Variants in RABGAP1L observed in about 807,000 individuals in gnomAD.
The protein encoded by RABGAP1L is rab GTPase-activating protein 1-like.
In RABGAP1L, 63 loss-of-function variants were observed where a neutral mutation model predicts 137.7. That is an observed-to-expected ratio of 0.46 (90% CI 0.37 to 0.56). RABGAP1L has a LOEUF of 0.56. RABGAP1L is among the 20% of genes least tolerant of loss of function. The pLI, the probability that RABGAP1L is intolerant of heterozygous loss-of-function variation, is 0.00. For missense variants in RABGAP1L, 1,095 were observed against 1,244.0 expected, an observed-to-expected ratio of 0.88 and a Z score of 1.80; for synonymous variants, 431 against 433.7, an observed-to-expected ratio of 0.99 and a Z score of 0.08.
chr1:174,171,521 TTA>T (rs2148233282), intron 1 of RABGAP1L, among the ~76,000 whole-genome samples: 1 of 152,162 alleles, frequency 6.6e-6, no homozygotes, highest in East Asian at 1.9e-4. Flanking sequence ...TTAGCAAATT[TTA>T]TATATACTAT....
At chr1:174,399,844 G>A (rs933171628) in intron 13 of RABGAP1L, among the ~76,000 whole-genome samples, 5 of 152,158 alleles carry the variant, frequency 3.3e-5, no homozygotes, top group East Asian at 1.9e-4. Flanking sequence ...GGGGTAAACC[G>A]CCCCCATGAT....
intron 19 of RABGAP1L, among the ~76,000 whole-genome samples, chr1:174,950,511 T>C (rs1667548452): frequency 6.6e-6 from 1 of 152,190 alleles, no homozygotes; most frequent in African/African-American, 2.4e-5. Flanking sequence ...TTTTCATCTG[T>C]TTCTTCTCGA....
intron 17 of RABGAP1L, among the ~76,000 whole-genome samples, chr1:174,728,594 CTTTTTTTTTT>C (rs1294397296): frequency 1.6e-4 from 18 of 114,626 alleles, no homozygotes; most frequent in Admixed American, 3.8e-4. Context: ...CTACCAGTGT[CTTTTTTTTTT>C]TTTTTTTTTT....
At chr1:174,856,797 C>T (rs1216747507) in intron 19 of RABGAP1L, among the ~76,000 whole-genome samples, 1 of 151,626 alleles carries the variant, frequency 6.6e-6, no homozygotes, top group Non-Finnish European at 1.5e-5. Flanking sequence ...CGTGCTGGTG[C>T]GCACCTGTAA....
chr1:174,297,229 G>GT (rs1253854423), intron 10 of RABGAP1L, among the ~76,000 whole-genome samples: 1 of 152,168 alleles, frequency 6.6e-6, no homozygotes, highest in Non-Finnish European at 1.5e-5. Flanking sequence ...ATGACATAGT[G>GT]TTGCAGGTTT....
At chr1:174,491,758 CT>C (rs1660259080) in intron 13 of RABGAP1L, among the ~76,000 whole-genome samples, 1 of 152,214 alleles carries the variant, frequency 6.6e-6, no homozygotes, top group Non-Finnish European at 1.5e-5. Context: ...CAGATTTTGA[CT>C]GCTCAGATGG....
chr1:174,789,382 A>G (rs1461923220), intron 18 of RABGAP1L, among the ~76,000 whole-genome samples: 1 of 152,222 alleles, frequency 6.6e-6, no homozygotes, highest in East Asian at 1.9e-4. Flanking sequence ...GGGGATTAAA[A>G]CAACTCAACA....
intron 13 of RABGAP1L, among the ~76,000 whole-genome samples, chr1:174,587,422 A>T (rs1669207835): frequency 6.6e-6 from 1 of 150,652 alleles, no homozygotes; most frequent in East Asian, 1.9e-4. Flanking sequence ...GTGCACATGT[A>T]CCCTAAAACT....
rs964346751 is a variant in RABGAP1L, at chr1:174,527,015, A to G, written c.1711-110360A>G. 4.6e-5 allele frequency among the ~76,000 whole-genome samples: 7 copies of G among 152,122 alleles called. No homozygotes were observed. In the South Asian group the frequency reaches 1.5e-3, roughly 32 times the overall value. On this transcript the variant is annotated intron_variant, in intron 13 of 25. Transcript: ENST00000681986. ...TTTGCTATATCCCACACATCTTGGT[A>G]TGTTGTTTTTCCATTTTCATTTCTT...
At chr1:174,509,018 A>G (rs1395737522) in intron 13 of RABGAP1L, among the ~76,000 whole-genome samples, 1 of 152,188 alleles carries the variant, frequency 6.6e-6, no homozygotes, top group African/African-American at 2.4e-5. Context: ...AGTGCACTAT[A>G]TAAATAGGAA....
intron 1 of RABGAP1L, among the ~76,000 whole-genome samples, chr1:174,197,380 G>C (rs1414810622): frequency 6.7e-6 from 1 of 148,166 alleles, no homozygotes; most frequent in Non-Finnish European, 1.5e-5. Flanking sequence ...TTTGGTTCCA[G>C]ACTGATACAC....
intron 23 of RABGAP1L, among the ~76,000 whole-genome samples, chr1:174,980,475 A>G (rs1558303361): frequency 6.6e-6 from 1 of 152,236 alleles, no homozygotes; most frequent in Non-Finnish European, 1.5e-5. Flanking sequence ...AAACCTTTTG[A>G]GCTGTGCTTC....
rs61414923 is a variant in RABGAP1L, at chr1:174,516,120, TACACACACACACACACACACACAC to T, written c.1711-121232_1711-121209del. On this transcript the variant is annotated intron_variant, in intron 13 of 25. Transcript: ENST00000681986. ...AGTCAAGGGATGAAAACTGAAGCTC[TACACACACACACACACACACACAC>T]ACACACACACACACACACACACGCT... 2.1e-3 allele frequency among the ~76,000 whole-genome samples: 282 copies of T among 133,306 alleles called. 3 individuals are homozygous for T. The highest frequency in any genetic ancestry group is 8.1e-3 in the African/African-American group (275 of 33,910). 87.5% of individuals were successfully genotyped at this position (133,306 alleles called of 152,430 possible).
intron 17 of RABGAP1L, among the ~76,000 whole-genome samples, chr1:174,744,088 C>A (rs1473184545): frequency 1.1e-4 from 3 of 27,130 alleles, no homozygotes; most frequent in Non-Finnish European, 1.3e-4. Context: ...CTGTGAAATA[C>A]GTAAAAAAAA....
At chr1:174,703,164 T>C (rs1472654947) in intron 17 of RABGAP1L, among the ~76,000 whole-genome samples, 1 of 152,218 alleles carries the variant, frequency 6.6e-6, no homozygotes, top group African/African-American at 2.4e-5. Context: ...GATGTTTTGC[T>C]ACGTGGATAT....
chr1:174,166,857 G>T (rs925635730), intron 1 of RABGAP1L, among the ~76,000 whole-genome samples: 2 of 152,188 alleles, frequency 1.3e-5, no homozygotes, highest in African/African-American at 2.4e-5. Flanking sequence ...ATGGAAGTGT[G>T]TGGAAAATTT....
At chr1:174,487,472 G>A (rs1659785539) in intron 13 of RABGAP1L, among the ~76,000 whole-genome samples, 1 of 152,036 alleles carries the variant, frequency 6.6e-6, no homozygotes, top group Non-Finnish European at 1.5e-5. Context: ...CCATTGGGAT[G>A]GAATATCTTT....
At chr1:174,641,233 C>G (rs395109) in intron 14 of RABGAP1L, among the ~76,000 whole-genome samples, 56,067 of 151,622 alleles carry the variant, frequency 0.37, 13,610 homozygotes, top group African/African-American at 0.69. Context: ...TTCTGTGGCT[C>G]TGGTGAAAGG....
At chr1:174,877,579 G>T in intron 19 of RABGAP1L, 1 of 1,613,692 alleles carries the variant, frequency 6.2e-7, no homozygotes, top group Non-Finnish European at 8.5e-7. Context: ...CACTAGTCTG[G>T]TGGCCATCAG....
Sources: allele counts gnomAD v4.1 joint callset (sites outside exome capture counted in the v4.1 genomes callset), GRCh38; gene constraint gnomAD v4.1.1; transcripts MANE v1.5; gene names NCBI Gene and HGNC (gene_info 2026-07-23, HGNC 2026-07-21).